NUP58: variants seen among roughly 807,000 people sequenced by gnomAD.
The protein encoded by NUP58 is nucleoporin p58/p45.
In NUP58, 17 loss-of-function variants were observed where a neutral mutation model predicts 70.1. The observed-to-expected ratio is 0.24, with a 90% CI of 0.17 to 0.36. The LOEUF (loss-of-function observed/expected upper bound fraction) is 0.36. NUP58 is among the 10% of genes least tolerant of loss of function. The probability of loss-of-function intolerance (pLI) is 1.00; values close to 1 mark genes in which losing one functional copy is unlikely to be tolerated. For missense variants in NUP58, 644 were observed against 701.5 expected (o/e 0.92, Z 0.93); for synonymous variants, 275 against 257.6 (o/e 1.07, Z -0.65).
At chr13:25,326,336 CTTT>C (rs575333387) in intron 10 of NUP58, among the ~76,000 whole-genome samples, 6 of 142,100 alleles carry the variant, frequency 4.2e-5, no homozygotes, top group Non-Finnish European at 7.8e-5. Context: ...AAGATACCTT[CTTT>C]TTTTTTTTTT....
At chr13:25,328,579 T>C (rs1189528279) in intron 12 of NUP58, among the ~76,000 whole-genome samples, 1 of 152,164 alleles carries the variant, frequency 6.6e-6, no homozygotes, top group African/African-American at 2.4e-5. Flanking sequence ...GTATTTTTAG[T>C]AGAGACAGGG....
chr13:25,332,348 G>A (rs1380235474), intron 13 of NUP58: 7 of 985,294 alleles, frequency 7.1e-6, no homozygotes, highest in Non-Finnish European at 8.4e-6. Context: ...TGTGTCTTTC[G>A]GAGGTTAATA....
chr13:25,343,805 G>GTATGTATATATA (rs1555258646), downstream of NUP58, among the ~76,000 whole-genome samples: 2 of 137,654 alleles, frequency 1.5e-5, no homozygotes, highest in East Asian at 4.4e-4. Context: ...ACATATATAT[G>GTATGTATATATA]TATATATATA....
Position 25,320,515 on chromosome 13 carries a change from T to C in NUP58, c.711-15T>C, listed in dbSNP as rs1218960969. ...AATCTCAATGACCTTAATACATGTT[T>C]TGCATTTTTCTTAGGGATAGTAAAG... On this transcript the variant is annotated splice_polypyrimidine_tract_variant and intron_variant, in intron 7 of 15. Coordinates refer to ENST00000381736, the MANE Select transcript of NUP58 (RefSeq NM_014089.4). 3.8e-6 allele frequency: 6 copies of C among 1,586,708 alleles called. No individual in the cohort carries two copies. Among genetic ancestry groups the C allele is most frequent in the African/African-American group, 1.3e-5 (1 of 74,264 alleles).
downstream of NUP58, among the ~76,000 whole-genome samples, chr13:25,345,488 G>A (rs1337212229): frequency 7.3e-6 from 1 of 136,468 alleles, no homozygotes; most frequent in African/African-American, 2.6e-5. Context: ...GCAAGAGCCG[G>A]ACTTGTGCAG....
chr13:25,346,415 T>G (rs897332942), downstream of NUP58, among the ~76,000 whole-genome samples: 2 of 152,126 alleles, frequency 1.3e-5, no homozygotes, highest in East Asian at 1.9e-4. Context: ...AAGTGGGCTT[T>G]CTTAAGTTAA....
At chr13:25,302,368 C>T (rs1460668298) in intron 1 of NUP58, among the ~76,000 whole-genome samples, 2 of 152,046 alleles carry the variant, frequency 1.3e-5, no homozygotes, top group Non-Finnish European at 2.9e-5. Context: ...GCTTTTGTGC[C>T]ACATGGGACC....
intron 3 of NUP58, among the ~76,000 whole-genome samples, chr13:25,348,598 A>T (rs977006643): frequency 3.0e-4 from 46 of 152,216 alleles, no homozygotes; most frequent in Admixed American, 6.5e-5. Flanking sequence ...AAAGTTATAT[A>T]TGTGGATCGC....
At chr13:25,311,282 A>G (rs2030652558) in intron 3 of NUP58, among the ~76,000 whole-genome samples, 2 of 152,122 alleles carry the variant, frequency 1.3e-5, no homozygotes, top group Admixed American at 6.6e-5. Flanking sequence ...GTGCCTTTAG[A>G]CTCTATTTTA....
At chr13:25,337,062 T>C (rs754177290) in intron 14 of NUP58, 28 bp downstream of exon 14, 38 of 1,454,976 alleles carry the variant, frequency 2.6e-5, no homozygotes, top group Non-Finnish European at 3.4e-5. Flanking sequence ...TAATATTTCA[T>C]TGAACTATTA....
chr13:25,303,603 G>A (rs1275939910), intron 1 of NUP58, among the ~76,000 whole-genome samples: 1 of 152,084 alleles, frequency 6.6e-6, no homozygotes, highest in Non-Finnish European at 1.5e-5. Context: ...CTCTTCCCCA[G>A]AGAGGCCTTT....
chr13:25,334,026 C>T, intron 13 of NUP58: 1 of 985,042 alleles, frequency 1.0e-6, no homozygotes, highest in Non-Finnish European at 1.2e-6. Context: ...TAAACGACTT[C>T]TTTGTCCTCC....
At chr13:25,333,133 T>C in intron 13 of NUP58, 1 of 985,310 alleles carries the variant, frequency 1.0e-6, no homozygotes, top group Non-Finnish European at 1.2e-6. Flanking sequence ...TTTGTGTGTG[T>C]GTGTGTGTTT....
chr13:25,315,662 T>G (rs1213463913), intron 6 of NUP58, among the ~76,000 whole-genome samples, 195 bp downstream of exon 6: 1 of 128,692 alleles, frequency 7.8e-6, no homozygotes, highest in Non-Finnish European at 1.7e-5. Flanking sequence ...TAGTCTGTTC[T>G]TATCTAACAT....
chr13:25,326,768 T>C, intron 10 of NUP58, 148 bp from the exon 11 acceptor site: 1 of 443,180 alleles, frequency 2.3e-6, no homozygotes. Context: ...CTTAATATCT[T>C]CCAGTCACAG....
intron 3 of NUP58, among the ~76,000 whole-genome samples, chr13:25,311,581 G>C (rs1229093321): frequency 6.6e-6 from 1 of 151,712 alleles, no homozygotes. Flanking sequence ...CACCATGTTG[G>C]CCAGGCTGGT....
intron 6 of NUP58, among the ~76,000 whole-genome samples, chr13:25,316,226 T>C (rs879291187): frequency 3.5e-4 from 53 of 152,346 alleles, no homozygotes; most frequent in Non-Finnish European, 7.2e-4. Context: ...CCTTGCCACG[T>C]TGAATCTTGG....
In NUP58 at chr13:25,325,013, T is replaced by G. The variant is rs375667491; in HGVS notation, c.976T>G (p.Leu326Val). Residue 326 changes from leucine (L) to valine (V), a missense_variant, in exon 10 of 16, where the codon TTA (leucine) becomes GTA (valine). Physicochemically the swap from Leu to Val is conservative, Grantham distance 32. Coordinates refer to ENST00000381736, the MANE Select transcript of NUP58 (RefSeq NM_014089.4). ...GGAGTTGAAGAATGCTGAAATAGCT[T>G]TAAGAACCCAGAAGACACCACCTGG... is the stretch of plus-strand genomic sequence containing the variant. ...AQELKNAEIA[L>V]RTQKTPPGLQ... The G allele has an allele frequency of 2.5e-6, 4 of 1,609,530 alleles. No individual in the cohort carries two copies. Among genetic ancestry groups the G allele is most frequent in the African/African-American group, 2.7e-5 (2 of 74,664 alleles).
chr13:25,320,887 T>A, intron 8 of NUP58, 32 bp from the exon 9 acceptor site: 2 of 1,379,028 alleles, frequency 1.5e-6, no homozygotes, highest in Non-Finnish European at 2.0e-6. Context: ...AAGATACATT[T>A]TTTAAAACTC....
Sources: gnomAD v4.1 joint callset for allele counts (sites outside exome capture counted in the v4.1 genomes callset) on GRCh38, gnomAD v4.1.1 for gene constraint, MANE v1.5 for transcripts, NCBI Gene and HGNC (gene_info 2026-07-23, HGNC 2026-07-21) for gene names.